Variants in KAZN observed in about 807,000 individuals in gnomAD.
The protein encoded by KAZN is kazrin, periplakin interacting protein.
In KAZN, 40 loss-of-function variants were observed where a neutral mutation model predicts 87.4. The observed-to-expected ratio is 0.46, with a 90% CI of 0.36 to 0.60. The LOEUF (loss-of-function observed/expected upper bound fraction) is 0.60, where lower values mean the gene tolerates loss of function less well. Among genes scored for constraint, KAZN ranks in the 20% least tolerant of loss-of-function variants. The pLI, the probability that KAZN is intolerant of heterozygous loss-of-function variation, is 0.00. For missense variants in KAZN, 898 were observed against 1,073.9 expected, an observed-to-expected ratio of 0.84 and a Z score of 2.29; for synonymous variants, 466 against 458.3, an observed-to-expected ratio of 1.02 and a Z score of -0.22.
intron 1 of KAZN, among the ~76,000 whole-genome samples, chr1:13,971,234 C>T (rs1263367766): frequency 2.6e-5 from 4 of 152,146 alleles, no homozygotes; most frequent in Non-Finnish European, 5.9e-5. Flanking sequence ...AGTGAGCAAA[C>T]CTAATTGTAA....
At chr1:14,375,807 G>A (rs929846270) in intron 2 of KAZN, among the ~76,000 whole-genome samples, 1 of 152,174 alleles carries the variant, frequency 6.6e-6, no homozygotes, top group African/African-American at 2.4e-5. Context: ...AGAATGGCAT[G>A]AACCCGGGAG....
intron 2 of KAZN, among the ~76,000 whole-genome samples, chr1:14,228,220 A>G (rs569309907): frequency 6.6e-6 from 1 of 152,344 alleles, no homozygotes; most frequent in African/African-American, 2.4e-5. Flanking sequence ...CAATGACAGC[A>G]GCAGTGACCA....
intron 1 of KAZN, among the ~76,000 whole-genome samples, chr1:14,825,002 CAAA>C (rs1280417153): frequency 1.3e-5 from 2 of 152,264 alleles, no homozygotes; most frequent in African/African-American, 4.8e-5. Context: ...CTGTGAGCCC[CAAA>C]TGCTGTTCCA....
chr1:13,917,105 T>C (rs772555148), intron 1 of KAZN, among the ~76,000 whole-genome samples: 47 of 152,194 alleles, frequency 3.1e-4, no homozygotes, highest in Non-Finnish European at 5.0e-4. Context: ...CACACGTGCA[T>C]GCATGCACGC....
chr1:14,964,094 G>A (rs749747764), intron 2 of KAZN, among the ~76,000 whole-genome samples: 6 of 152,154 alleles, frequency 3.9e-5, no homozygotes, highest in African/African-American at 1.2e-4. Context: ...GTAAACATAC[G>A]TGTACATGTG....
intron 2 of KAZN, among the ~76,000 whole-genome samples, chr1:14,480,312 C>T (rs941337919): frequency 5.3e-5 from 8 of 152,326 alleles, no homozygotes; most frequent in Non-Finnish European, 8.8e-5. Context: ...CAACAACAAA[C>T]ATTTACTGAG....
At chr1:14,008,624 C>T (rs1570513179) in intron 1 of KAZN, among the ~76,000 whole-genome samples, 1 of 152,300 alleles carries the variant, frequency 6.6e-6, no homozygotes, top group South Asian at 2.1e-4. Flanking sequence ...ATTACACACA[C>T]ATAAAATCAG....
At chr1:14,660,756 C>A (rs570472051) in intron 1 of KAZN, among the ~76,000 whole-genome samples, 3 of 152,102 alleles carry the variant, frequency 2.0e-5, no homozygotes, top group African/African-American at 7.2e-5. Context: ...CACTCCACAG[C>A]GAAATAACCA....
chr1:14,661,982 A>G (rs1467180134), intron 1 of KAZN, among the ~76,000 whole-genome samples: 1 of 152,180 alleles, frequency 6.6e-6, no homozygotes, highest in Non-Finnish European at 1.5e-5. Context: ...ATCATCTGTT[A>G]GCCGTGTGAT....
chr1:14,533,141 G>A (rs1301049170), intron 2 of KAZN, among the ~76,000 whole-genome samples: 1 of 152,150 alleles, frequency 6.6e-6, no homozygotes, highest in East Asian at 1.9e-4. Flanking sequence ...CCAGCACCTT[G>A]AGAGCTTTCC....
chr1:14,124,368 G>A (rs10429939), intron 1 of KAZN: 84,123 of 152,132 alleles, frequency 0.55, 24,359 homozygotes, highest in East Asian at 0.75. Flanking sequence ...CGCCACCCCC[G>A]TCCCTGCCTA....
intron 2 of KAZN, among the ~76,000 whole-genome samples, chr1:14,966,753 C>T (rs891301692): frequency 2.0e-5 from 3 of 152,088 alleles, no homozygotes; most frequent in South Asian, 2.1e-4. Flanking sequence ...CTCACTGCAA[C>T]CTCCGTCTCC....
chr1:13,967,198 T>C (rs557038049), intron 1 of KAZN, among the ~76,000 whole-genome samples: 1 of 152,328 alleles, frequency 6.6e-6, no homozygotes, highest in East Asian at 1.9e-4. Flanking sequence ...GGTAGTTGGC[T>C]TCCCTCAGGG....
chr1:13,998,933 G>A (rs199892605), intron 1 of KAZN, among the ~76,000 whole-genome samples: 28 of 57,254 alleles, frequency 4.9e-4, no homozygotes, highest in African/African-American at 1.3e-3. Flanking sequence ...GTGCCACATG[G>A]CACTTATTCT....
chr1:14,810,074 C>T (rs1273238869), intron 1 of KAZN, among the ~76,000 whole-genome samples: 1 of 152,126 alleles, frequency 6.6e-6, no homozygotes, highest in Admixed American at 6.5e-5. Flanking sequence ...CCACTAGCCA[C>T]CACTTCCTTA....
intron 1 of KAZN, among the ~76,000 whole-genome samples, chr1:14,865,059 G>A (rs796068154): frequency 6.6e-5 from 10 of 152,228 alleles, no homozygotes; most frequent in Non-Finnish European, 7.4e-5. Context: ...ATCTTTCCCC[G>A]TCCAAAATGG....
At chr1:14,030,635 TACAC>T (rs60838104) in intron 1 of KAZN, among the ~76,000 whole-genome samples, 65,307 of 144,786 alleles carry the variant, frequency 0.45, 15,555 homozygotes, top group Admixed American at 0.56. Flanking sequence ...TGTACACAGA[TACAC>T]ACACACACAC....
chr1:14,115,761 T>G lies in KAZN; in HGVS notation c.92-64674T>G, dbSNP rs992084614. 3.7e-4 allele frequency among the ~76,000 whole-genome samples: 46 copies of G among 123,770 alleles called. 1 individual carries two copies. Among genetic ancestry groups the G allele is most frequent in the Non-Finnish European group, 6.6e-4 (34 of 51,410 alleles). The allele number at this position is 123,770 out of a possible 152,430, so 81.2% of individuals were successfully genotyped here. A position where few individuals can be genotyped will look rare whatever the true frequency, so the allele number is the denominator to read the frequency against. On this transcript the variant is annotated intron_variant, in intron 1 of 16. Coordinates refer to the KAZN transcript ENST00000636203. The stretch of plus-strand genomic sequence containing the variant: ...GAGGGCTCAGAAGAAGACAGGAAAA[T>G]GTGGAAAATTTGGAACTTCCTAGAG...
chr1:14,858,742 C>T (rs763258514), intron 1 of KAZN, among the ~76,000 whole-genome samples: 2 of 152,156 alleles, frequency 1.3e-5, no homozygotes, highest in African/African-American at 4.8e-5. Flanking sequence ...TCGAAAAATA[C>T]CCAAATTCCT....
Sources: gnomAD v4.1 joint callset for allele counts (sites outside exome capture counted in the v4.1 genomes callset) on GRCh38, gnomAD v4.1.1 for gene constraint, MANE v1.5 for transcripts, NCBI Gene and HGNC (gene_info 2026-07-23, HGNC 2026-07-21) for gene names.